Variants in ADAMTSL1 observed in about 807,000 individuals in gnomAD.
ADAMTSL1 encodes ADAMTS-like protein 1.
ADAMTSL1 carries 126 observed loss-of-function variants against 201.8 expected under a neutral mutation model. The ratio of observed to expected loss-of-function variants is 0.62; its 90% CI spans 0.54 to 0.72. ADAMTSL1 has a LOEUF of 0.72. Ranked by LOEUF, ADAMTSL1 falls within the 30% of genes least tolerant of loss-of-function variation. ADAMTSL1 has a pLI of 0.00. For synonymous variants in ADAMTSL1, 1,121 were observed against 903.4 expected, an observed-to-expected ratio of 1.24 and a Z score of -4.32; for missense variants, 2,679 against 2,277.8, an observed-to-expected ratio of 1.18 and a Z score of -3.59.
In ADAMTSL1 at chr9:18,185,061, G is replaced by A. The variant is rs1828673116; in HGVS notation, c.207+21080G>A. ...TTTGGATGTCAGATTTTCAGATTGG[G>A]GGTATTTAATCTCTATGGCTCAAAG... On this transcript the variant is annotated intron_variant, in intron 2 of 29. Coordinates refer to the ADAMTSL1 transcript ENST00000680146. Among the ~76,000 whole-genome samples the A allele has an allele frequency of 2.0e-5, 3 of 151,982 alleles. No individual in the cohort carries two copies. In the South Asian group the frequency reaches 6.2e-4, roughly 32 times the overall value.
chr9:18,680,530 C>G lies in ADAMTSL1; in HGVS notation c.1341+14C>G. On this transcript the variant is annotated intron_variant, in intron 11 of 28. Coordinates refer to ENST00000380548, the MANE Select transcript of ADAMTSL1 (RefSeq NM_001040272.6). The stretch of plus-strand genomic sequence containing the variant: ...GAGTGGTCTCCGGTAACTGTGCCTT[C>G]TTTCTTTGTTCATTAGGAGAGTAAG... 1.2e-6 allele frequency: 2 copies of G among 1,613,670 alleles called. No individual in the cohort carries two copies. The highest frequency in any genetic ancestry group is 2.2e-5 in the South Asian group (2 of 91,082).
chr9:18,036,262 G>A (rs757470405), intron 1 of ADAMTSL1, among the ~76,000 whole-genome samples: 1 of 152,148 alleles, frequency 6.6e-6, no homozygotes, highest in African/African-American at 2.4e-5. Context: ...CAAAAAGAGA[G>A]GCAGGGAAGA....
chr9:18,234,428 C>CT (rs146797540), intron 2 of ADAMTSL1, among the ~76,000 whole-genome samples: 8,676 of 152,214 alleles, frequency 0.057, 314 homozygotes, highest in Middle Eastern at 0.086. Context: ...TTCTGGTGTT[C>CT]TAGATGCTGC....
At chr9:18,626,878 C>CTTACTTT (rs1461320087) in intron 5 of ADAMTSL1, among the ~76,000 whole-genome samples, 12 of 90,076 alleles carry the variant, frequency 1.3e-4, no homozygotes, top group African/African-American at 6.5e-4. Context: ...TGTCTTTCTT[C>CTTACTTT]CTTCCTTCCT....
chr9:18,791,276 G>A (rs1306366549), intron 19 of ADAMTSL1, among the ~76,000 whole-genome samples: 3 of 152,088 alleles, frequency 2.0e-5, no homozygotes, highest in Non-Finnish European at 4.4e-5. Context: ...CTACTGCTCC[G>A]CCTAGTGGCA....
chr9:18,136,305 A>G (rs141489318), intron 1 of ADAMTSL1, among the ~76,000 whole-genome samples: 43 of 152,298 alleles, frequency 2.8e-4, no homozygotes, highest in Non-Finnish European at 5.3e-4. Flanking sequence ...GATGATTTCA[A>G]TGCAGGCAAT....
At chr9:18,604,131 T>C (rs554061118) in intron 4 of ADAMTSL1, among the ~76,000 whole-genome samples, 1 of 152,166 alleles carries the variant, frequency 6.6e-6, no homozygotes, top group Non-Finnish European at 1.5e-5. Flanking sequence ...CCTAAAACTT[T>C]CCTAAATAGG....
intron 23 of ADAMTSL1, among the ~76,000 whole-genome samples, chr9:18,839,368 A>C (rs920995437): frequency 6.6e-6 from 1 of 152,024 alleles, no homozygotes; most frequent in Admixed American, 6.6e-5. Context: ...TGAACTCATC[A>C]TTTTTTATGG....
chr9:18,198,111 G>C (rs1829267067), intron 2 of ADAMTSL1, among the ~76,000 whole-genome samples: 1 of 152,176 alleles, frequency 6.6e-6, no homozygotes, highest in Non-Finnish European at 1.5e-5. Flanking sequence ...ATCAATTCAA[G>C]ATGGATTGAA....
chr9:18,447,603 G>C (rs1820241346), intron 2 of ADAMTSL1, among the ~76,000 whole-genome samples: 1 of 152,204 alleles, frequency 6.6e-6, no homozygotes, highest in Non-Finnish European at 1.5e-5. Flanking sequence ...GGCACCTGAT[G>C]CAAAACAAAA....
At chr9:18,330,837 G>A (rs1211622445) in intron 2 of ADAMTSL1, among the ~76,000 whole-genome samples, 1 of 152,162 alleles carries the variant, frequency 6.6e-6, no homozygotes, top group Admixed American at 6.5e-5. Context: ...AAAAGCAAAT[G>A]CATAAAACTG....
chr9:18,484,529 C>A (rs971323680), intron 1 of ADAMTSL1, among the ~76,000 whole-genome samples: 3 of 152,074 alleles, frequency 2.0e-5, no homozygotes, highest in Non-Finnish European at 4.4e-5. Flanking sequence ...ATTACTTTGT[C>A]TCTGTGTTTA....
intron 5 of ADAMTSL1, among the ~76,000 whole-genome samples, chr9:18,627,189 C>T (rs1826442302): frequency 6.6e-6 from 1 of 152,014 alleles, no homozygotes; most frequent in Non-Finnish European, 1.5e-5. Flanking sequence ...GCCATGTTGG[C>T]CAGGCTGGTC....
At chr9:17,960,746 C>T (rs1007806710) in intron 1 of ADAMTSL1, among the ~76,000 whole-genome samples, 2 of 152,194 alleles carry the variant, frequency 1.3e-5, no homozygotes, top group African/African-American at 4.8e-5. Context: ...TTTAACATTT[C>T]ATCTCATCAC....
rs1826320308 is a variant in ADAMTSL1, at chr9:17,921,990, TGA to T, written c.87+15073_87+15074del. 3.3e-5 allele frequency among the ~76,000 whole-genome samples: 5 copies of T among 152,080 alleles called. No individual in the cohort carries two copies. In the South Asian group the frequency reaches 1.0e-3, roughly 31 times the overall value. On this transcript the variant is annotated intron_variant, in intron 1 of 29. Transcript: ENST00000680146. ...ACATTCATATTTGGAAACAGTTTTA[TGA>T]GAGAACATAGAGTTAACATGATATA... is the stretch of plus-strand genomic sequence containing the variant.
chr9:18,356,196 C>A (rs1038831324), intron 2 of ADAMTSL1, among the ~76,000 whole-genome samples: 1 of 152,160 alleles, frequency 6.6e-6, no homozygotes, highest in Non-Finnish European at 1.5e-5. Context: ...TGGCTGAGTT[C>A]TGGGGCTTTT....
intron 9 of ADAMTSL1, among the ~76,000 whole-genome samples, chr9:18,666,950 C>CT (rs35220169): frequency 0.15 from 19,507 of 128,874 alleles, 1,595 homozygotes; most frequent in East Asian, 0.32. Flanking sequence ...TGCAGATTTT[C>CT]TTTTTTTTTT....
At chr9:18,531,055 T>C (rs183489872) in intron 2 of ADAMTSL1, among the ~76,000 whole-genome samples, 24 of 152,212 alleles carry the variant, frequency 1.6e-4, no homozygotes, top group Non-Finnish European at 3.2e-4. Context: ...AGAAACCTGA[T>C]ATTTTTCAGC....
At chr9:18,130,852 A>G (rs897470124) in intron 1 of ADAMTSL1, among the ~76,000 whole-genome samples, 16 of 152,168 alleles carry the variant, frequency 1.1e-4, no homozygotes, top group Non-Finnish European at 1.9e-4. Flanking sequence ...AAAACAGGGC[A>G]GTCCACCAGT....
Sources: gnomAD v4.1 joint callset for allele counts (sites outside exome capture counted in the v4.1 genomes callset) on GRCh38, gnomAD v4.1.1 for gene constraint, MANE v1.5 for transcripts, NCBI Gene and HGNC (gene_info 2026-07-23, HGNC 2026-07-21) for gene names.